RNASEH1: variants seen among roughly 807,000 people sequenced by gnomAD.
RNASEH1 encodes the protein ribonuclease H type II.
RNASEH1 carries 27 observed loss-of-function variants against 34.6 expected under a neutral mutation model. The observed-to-expected ratio is 0.78, with a 90% CI of 0.58 to 1.08. RNASEH1 has a LOEUF of 1.08. Ranked by LOEUF, RNASEH1 falls within the 50% of genes least tolerant of loss-of-function variation. The pLI is 0.00. For missense variants in RNASEH1, 349 were observed against 373.6 expected, an observed-to-expected ratio of 0.93 and a Z score of 0.54; for synonymous variants, 162 against 138.4, an observed-to-expected ratio of 1.17 and a Z score of -1.20.
chr2:3,538,368 AT>A (rs1668103076), downstream of RNASEH1, among the ~76,000 whole-genome samples: 1 of 148,520 alleles, frequency 6.7e-6, no homozygotes, highest in Non-Finnish European at 1.5e-5. Context: ...AATATATATA[AT>A]ATATATATAT....
chr2:3,538,448 A>C (rs1668107547), downstream of RNASEH1, among the ~76,000 whole-genome samples: 1 of 152,034 alleles, frequency 6.6e-6, no homozygotes. Context: ...GTTCCCACCC[A>C]CAGCATCCTC....
At chr2:3,550,100 G>C (rs1669140163) in intron 4 of RNASEH1, 4 of 380,390 alleles carry the variant, frequency 1.1e-5, no homozygotes, top group Non-Finnish European at 1.9e-5. Context: ...CTGTGTTTGT[G>C]CCACTGTACT....
chr2:3,544,005 G>A lies in RNASEH1; in HGVS notation c.*1780C>T, dbSNP rs768670850. Among the ~76,000 whole-genome samples the A allele has an allele frequency of 2.0e-5, 3 of 152,202 alleles. No individual in the cohort carries two copies. The highest frequency in any genetic ancestry group is 6.5e-5 in the Admixed American group (1 of 15,270). Reference sequence around the variant, plus strand: ...TATCTTAAAAACTTAGTGTACAAGAGCAAAGAATCAAGCATTTATCCTGCC... The same window carrying A: ...TATCTTAAAAACTTAGTGTACAAGAACAAAGAATCAAGCATTTATCCTGCC... On this transcript the variant is annotated 3_prime_UTR_variant, in exon 8 of 8. Coordinates refer to ENST00000315212, the MANE Select transcript of RNASEH1 (RefSeq NM_002936.6).
In RNASEH1 at chr2:3,545,025, T is replaced by C. The variant is rs1262988116; in HGVS notation, c.*760A>G. The C allele has an allele frequency of 2.0e-5, 3 of 151,988 alleles. No homozygotes were observed. The highest frequency in any genetic ancestry group is 4.8e-5 in the African/African-American group (2 of 41,378). 9.4% of individuals were successfully genotyped at this position (151,988 alleles called of 1,614,324 possible). A position where few individuals can be genotyped will look rare whatever the true frequency, so the allele number is the denominator to read the frequency against. On this transcript the variant is annotated 3_prime_UTR_variant, in exon 8 of 8. Transcript: ENST00000315212. ...CCTGACCTCAAGTGATCTGCCCGCC[T>C]TGGCCTCCCAAAGTGCTAGGATTAC...
At chr2:3,531,969 C>A in the RNASEH1 span, 1 of 390,302 alleles carries the variant, frequency 2.6e-6, no homozygotes, top group Non-Finnish European at 4.7e-6. Flanking sequence ...ATAGCTGAGG[C>A]CGAACACTGC....
rs577834477 is a variant in RNASEH1 at position 3,543,800 on chromosome 2, G to A, written c.*1985C>T. 6.2e-4 allele frequency among the ~76,000 whole-genome samples: 94 copies of A among 152,196 alleles called. No homozygotes were observed. Among genetic ancestry groups the A allele is most frequent in the Middle Eastern group, 6.8e-3 (2 of 294 alleles). On this transcript the variant is annotated 3_prime_UTR_variant, in exon 8 of 8. Coordinates refer to ENST00000315212, the MANE Select transcript of RNASEH1 (RefSeq NM_002936.6). ...TGATTTTATTTTAATTTTCTGTAGA[G>A]ACAGGGTGTCACTATGTTGCCCAGA...
At chr2:3,535,095 C>T in the RNASEH1 span, among the ~76,000 whole-genome samples, 1 of 152,056 alleles carries the variant, frequency 6.6e-6, no homozygotes, top group Non-Finnish European at 1.5e-5. Flanking sequence ...TGTGAGTGTA[C>T]CTAATGCCAC....
At chr2:3,555,389 C>G (rs181488905) in intron 2 of RNASEH1, among the ~76,000 whole-genome samples, 32 of 152,262 alleles carry the variant, frequency 2.1e-4, no homozygotes, top group Middle Eastern at 3.4e-3. Flanking sequence ...CATCGATGAG[C>G]CTTTTTCACG....
chr2:3,552,049 C>T, intron 3 of RNASEH1, 95 bp downstream of exon 3: 1 of 920,242 alleles, frequency 1.1e-6, no homozygotes, highest in South Asian at 1.7e-5. Flanking sequence ...TGATAAACAC[C>T]AGCTCAAACT....
chr2:3,557,596 C>A (rs1213833969), intron 1 of RNASEH1: 2 of 339,554 alleles, frequency 5.9e-6, no homozygotes, highest in Non-Finnish European at 1.2e-5. Context: ...GGGCTCAAGT[C>A]CTTTCTCTGT....
downstream of RNASEH1, among the ~76,000 whole-genome samples, chr2:3,537,651 G>A (rs116148329): frequency 3.6e-4 from 55 of 152,156 alleles, no homozygotes; most frequent in African/African-American, 1.3e-3. Flanking sequence ...AGCTCAGGAG[G>A]TGGAGGCTGC....
At chr2:3,552,682 T>C (rs975907717) in intron 2 of RNASEH1, among the ~76,000 whole-genome samples, 20 of 150,174 alleles carry the variant, frequency 1.3e-4, no homozygotes, top group African/African-American at 4.6e-4. Context: ...AGGAAAAACA[T>C]GGCCCAAAAT....
At chr2:3,537,549 C>G (rs770483919), downstream of RNASEH1, among the ~76,000 whole-genome samples, 1 of 151,862 alleles carries the variant, frequency 6.6e-6, no homozygotes, top group South Asian at 2.1e-4. Context: ...GTAGTGAGAC[C>G]CCAGCTCTAA....
At chr2:3,553,116 C>T (rs558782883) in intron 2 of RNASEH1, among the ~76,000 whole-genome samples, 17 of 151,784 alleles carry the variant, frequency 1.1e-4, no homozygotes, top group Admixed American at 5.9e-4. Context: ...GGCGTGATGG[C>T]GGGCACCTGT....
rs756589078 is a variant in RNASEH1, at chr2:3,545,611, T to C, written c.*174A>G. On this transcript the variant is annotated 3_prime_UTR_variant, in exon 8 of 8. Transcript: ENST00000315212. Reference sequence around the variant, plus strand: ...AAAGATGTTCAATTTATTATATACTTAACCATTTTTTATAAACACATGTCA... The same window carrying C: ...AAAGATGTTCAATTTATTATATACTCAACCATTTTTTATAAACACATGTCA... 2.0e-5 allele frequency: 12 copies of C among 604,410 alleles called. No homozygotes were observed. The highest frequency in any genetic ancestry group is 3.3e-5 in the Non-Finnish European group (11 of 337,486). The allele number at this position is 604,410 out of a possible 1,614,324, so 37.4% of individuals were successfully genotyped here.
At chr2:3,558,007 C>A in intron 1 of RNASEH1, 126 bp downstream of exon 1, 1 of 1,480,922 alleles carries the variant, frequency 6.8e-7, no homozygotes, top group Non-Finnish European at 9.0e-7. Context: ...GTCCCCCGAC[C>A]ACCCACAGCC....
chr2:3,542,183 G>C lies in RNASEH1; in HGVS notation c.*3602C>G, dbSNP rs1354999209. On this transcript the variant is annotated 3_prime_UTR_variant, in exon 8 of 8. Transcript: ENST00000315212. ...AAGAAAAATGTAACACTAAACTCCA[G>C]TTCAAGCAAATCTTCTTAAAATAAC... Among the ~76,000 whole-genome samples the C allele has an allele frequency of 6.6e-6, 1 of 152,098 alleles. No homozygotes were observed. The highest frequency in any genetic ancestry group is 6.6e-5 in the Admixed American group (1 of 15,226).
downstream of RNASEH1, among the ~76,000 whole-genome samples, chr2:3,537,594 A>G (rs1306330806): frequency 6.6e-6 from 1 of 152,032 alleles, no homozygotes; most frequent in Non-Finnish European, 1.5e-5. Context: ...GGTGGCACAC[A>G]CTTGTAGTCC....
intron 4 of RNASEH1, 100 bp downstream of exon 4, chr2:3,550,273 C>T: frequency 1.0e-6 from 1 of 961,648 alleles, no homozygotes; most frequent in Non-Finnish European, 1.7e-6. Flanking sequence ...AGCTACTTAT[C>T]TGCAGGTTTT....
Sources: gnomAD v4.1 joint callset for allele counts (sites outside exome capture counted in the v4.1 genomes callset) on GRCh38, gnomAD v4.1.1 for gene constraint, MANE v1.5 for transcripts, NCBI Gene and HGNC (gene_info 2026-07-23, HGNC 2026-07-21) for gene names.